The following GIMAP1 variants were observed in gnomAD, a reference collection of about 807,000 sequenced individuals.
The protein encoded by GIMAP1 is GTPase, IMAP family member 1, also known as GTPase IMAP family member 1.
For synonymous variants in GIMAP1, 230 were observed against 187.7 expected (o/e 1.23, Z -1.84); for missense variants, 423 against 411.9 (o/e 1.03, Z -0.23).
chr7:150,720,157 A>C lies in GIMAP1; in HGVS notation c.153A>C (p.Arg51Ser), dbSNP rs770389381. The C allele has an allele frequency of 6.2e-7, 1 of 1,614,040 alleles. No individual in the cohort carries two copies. Among genetic ancestry groups the C allele is most frequent in the Non-Finnish European group, 8.5e-7 (1 of 1,180,014 alleles). ...CTGGGAACAGCATCCTGGGCCAGAG[A>C]CGGTTCTTCTCCAGGCTGGGGGCCA... is the stretch of plus-strand genomic sequence containing the variant. ...SATGNSILGQ[R>S]RFFSRLGATS... The change falls in exon 3 of 3, where the codon AGA becomes AGC. Residue 51 changes from arginine (R) to serine (S), a missense_variant. Physicochemically the swap from Arg to Ser is moderately radical, Grantham distance 110. Coordinates refer to ENST00000307194, the MANE Select transcript of GIMAP1 (RefSeq NM_130759.4). This position sits in a 1 kb window ranked among gnomAD's most constrained non-coding sequence, Gnocchi z 4.5.
Position 150,724,156 on chromosome 7 carries a change from T to C in GIMAP1, c.*3231T>C, listed in dbSNP as rs1452470683. 1 of 152,086 alleles carries C rather than the reference T, an allele frequency of 6.6e-6. No individual in the cohort carries two copies. Among genetic ancestry groups the C allele is most frequent in the Non-Finnish European group, 1.5e-5 (1 of 68,012 alleles). The allele number at this position is 152,086 out of a possible 1,614,324, so 9.4% of individuals were successfully genotyped here. A position where few individuals can be genotyped will look rare whatever the true frequency, so the allele number is the denominator to read the frequency against. Reference sequence around the variant, plus strand: ...ATTCTTGGGGAAGCTATAGCTAGACTATGGCTCAACACTCATTTTTCCCCC... The same window carrying C: ...ATTCTTGGGGAAGCTATAGCTAGACCATGGCTCAACACTCATTTTTCCCCC... On this transcript the variant is annotated 3_prime_UTR_variant, in exon 3 of 3. Coordinates refer to ENST00000307194, the MANE Select transcript of GIMAP1 (RefSeq NM_130759.4).
rs768063340 is a variant in GIMAP1, at chr7:150,720,862, C to G, written c.858C>G (p.Leu286=). 3 of 1,605,472 alleles carry G rather than the reference C, an allele frequency of 1.9e-6. No homozygotes were observed. Among genetic ancestry groups the G allele is most frequent in the Non-Finnish European group, 2.5e-6 (3 of 1,178,862 alleles). ...TGGCCCTGCTGCTGGGGGGCGCGCT[C>G]CTGTTCTGGGTGCTGCTCCACAGGC... The part of the protein sequence containing the change: ...LGLALLLGGA[L]LFWVLLHRRW... Residue 286 remains leucine, a synonymous_variant, in exon 3 of 3, where the codon CTC becomes CTG. Coordinates refer to ENST00000307194, the MANE Select transcript of GIMAP1 (RefSeq NM_130759.4). This position sits in a 1 kb window ranked among gnomAD's most constrained non-coding sequence, Gnocchi z 4.5.
chr7:150,717,365 C>G (rs1797232132), intron 1 of GIMAP1, among the ~76,000 whole-genome samples: 1 of 152,180 alleles, frequency 6.6e-6, no homozygotes, highest in South Asian at 2.1e-4. Context: ...GAATCAGAAT[C>G]TCAGGATGGA....
rs1431266809 is a variant in GIMAP1, at chr7:150,720,176, G to C, written c.172G>C (p.Gly58Arg). The change falls in exon 3 of 3, where the codon GGG (glycine) becomes CGG (arginine). Residue 58 changes from glycine (G) to arginine (R), a missense_variant. Gly to Arg is a moderately radical substitution (Grantham distance 125). Transcript: ENST00000307194. This position sits in a 1 kb window ranked among gnomAD's most constrained non-coding sequence, Gnocchi z 4.5. Reference sequence around the variant, plus strand: ...CCAGAGACGGTTCTTCTCCAGGCTGGGGGCCACGTCTGTGACCAGGGCCTG... The same window carrying C: ...CCAGAGACGGTTCTTCTCCAGGCTGCGGGCCACGTCTGTGACCAGGGCCTG... Reference protein sequence around the residue: ...LGQRRFFSRLGATSVTRACTT... With the variant: ...LGQRRFFSRLRATSVTRACTT... 4 of 1,614,052 alleles carry C rather than the reference G, an allele frequency of 2.5e-6. No individual in the cohort carries two copies. In the African/African-American group the frequency reaches 4.0e-5, roughly 16 times the overall value.
chr7:150,719,880 C>T (rs1797270307), intron 2 of GIMAP1, among the ~76,000 whole-genome samples, 168 bp from the exon 3 acceptor site: 1 of 152,170 alleles, frequency 6.6e-6, no homozygotes, highest in South Asian at 2.1e-4. Context: ...GTAGTTGGAG[C>T]ATCTACTGGT....
Position 150,722,432 on chromosome 7 carries a change from AG to A in GIMAP1, c.*1510del, listed in dbSNP as rs575790854. ...TCCTGAGGGCCTTGGTGACCGCTGC[AG>A]GGAGTTGGACTTTTTGAAGCGTGGC... On this transcript the variant is annotated 3_prime_UTR_variant, in exon 3 of 3. Transcript: ENST00000307194. 6.6e-6 allele frequency: 1 copy of A among 152,478 alleles called. No individual in the cohort carries two copies. Among genetic ancestry groups the A allele is most frequent in the South Asian group, 2.1e-4 (1 of 4,838 alleles). 9.4% of individuals were successfully genotyped at this position (152,478 alleles called of 1,614,324 possible).
rs764547663 is a variant in GIMAP1, at chr7:150,720,674, G to T, written c.670G>T (p.Val224Leu). 3 of 1,602,446 alleles carry T rather than the reference G, an allele frequency of 1.9e-6. 1 individual carries two copies. The South Asian group carries it at 3.3e-5, about 18-fold the overall frequency. ...CAAGGGCGCCCATTACTCCAACGAG[G>T]TGTATGAGCTGGCGCAGGTGCTGCG... is the stretch of plus-strand genomic sequence containing the variant. ...EHKGAHYSNE[V>L]YELAQVLRWA... The change falls in exon 3 of 3, where the codon GTG becomes TTG. Residue 224 changes from valine to leucine, a missense_variant. Transcript: ENST00000307194. This position sits in a 1 kb window ranked among gnomAD's most constrained non-coding sequence, Gnocchi z 4.5.
chr7:150,717,291 G>C (rs1343433645), intron 1 of GIMAP1, among the ~76,000 whole-genome samples: 1 of 152,128 alleles, frequency 6.6e-6, no homozygotes, highest in African/African-American at 2.4e-5. Flanking sequence ...GTACAATAAA[G>C]GGGGTTGCAA....
chr7:150,723,376 T>A lies in GIMAP1; in HGVS notation c.*2451T>A, dbSNP rs1282616312. 1 of 152,254 alleles carries A rather than the reference T, an allele frequency of 6.6e-6. No homozygotes were observed. The highest frequency in any genetic ancestry group is 2.4e-5 in the African/African-American group (1 of 41,460). The allele number at this position is 152,254 out of a possible 1,614,324, so 9.4% of individuals were successfully genotyped here. On this transcript the variant is annotated 3_prime_UTR_variant, in exon 3 of 3. Coordinates refer to ENST00000307194, the MANE Select transcript of GIMAP1 (RefSeq NM_130759.4). ...AGACTTTTGACCATTTTCTAAATTT[T>A]CTACCATAGATAACAGAAAATTCTT...
Position 150,721,001 on chromosome 7 carries a change from C to T in GIMAP1, c.*76C>T. 7.6e-7 allele frequency: 1 copy of T among 1,314,260 alleles called. No homozygotes were observed. Among genetic ancestry groups the T allele is most frequent in the Non-Finnish European group, 1.0e-6 (1 of 992,474 alleles). 81.4% of individuals were successfully genotyped at this position (1,314,260 alleles called of 1,614,324 possible). Reference sequence around the variant, plus strand: ...TTGGAGCTGAAGGGAAAACTTCATTCCAACGGAAGGAATCCTGTAGTTTCA... The same window carrying T: ...TTGGAGCTGAAGGGAAAACTTCATTTCAACGGAAGGAATCCTGTAGTTTCA... On this transcript the variant is annotated 3_prime_UTR_variant, in exon 3 of 3. Coordinates refer to ENST00000307194, the MANE Select transcript of GIMAP1 (RefSeq NM_130759.4).
At chr7:150,719,001 T>C (rs1389511483) in intron 1 of GIMAP1, 41 bp from the exon 2 acceptor site, 1 of 1,612,828 alleles carries the variant, frequency 6.2e-7, no homozygotes, top group African/African-American at 1.3e-5. Context: ...ATTTGAGGAA[T>C]AAATAAATGA....
rs142477944 is a variant in GIMAP1, at chr7:150,720,493, C to T, written c.489C>T (p.His163=). The part of the protein sequence containing the change: ...RKEDLAGGSL[H]DYVSNTENRA... Reference sequence around the variant, plus strand: ...AGGACCTGGCCGGGGGCTCCCTGCACGATTACGTGAGCAACACAGAGAACC... The same window carrying T: ...AGGACCTGGCCGGGGGCTCCCTGCATGATTACGTGAGCAACACAGAGAACC... Residue 163 remains histidine, a synonymous_variant, in exon 3 of 3, where the codon CAC becomes CAT. Transcript: ENST00000307194. The surrounding 1 kb of genome is among the most constrained non-coding windows in gnomAD (Gnocchi z 4.5). The T allele has an allele frequency of 5.2e-4, 821 of 1,582,144 alleles. 5 individuals are homozygous for T. In the African/African-American group the frequency reaches 9.7e-3, roughly 19 times the overall value.
chr7:150,721,002 C>T lies in GIMAP1; in HGVS notation c.*77C>T. On this transcript the variant is annotated 3_prime_UTR_variant, in exon 3 of 3. Coordinates refer to ENST00000307194, the MANE Select transcript of GIMAP1 (RefSeq NM_130759.4). ...TGGAGCTGAAGGGAAAACTTCATTC[C>T]AACGGAAGGAATCCTGTAGTTTCAG... 7.6e-7 allele frequency: 1 copy of T among 1,307,856 alleles called. No homozygotes were observed. Among genetic ancestry groups the T allele is most frequent in the Non-Finnish European group, 1.0e-6 (1 of 987,062 alleles). The allele number at this position is 1,307,856 out of a possible 1,614,324, so 81.0% of individuals were successfully genotyped here.
At chr7:150,719,680 A>G (rs1339630516) in intron 2 of GIMAP1, among the ~76,000 whole-genome samples, 1 of 152,200 alleles carries the variant, frequency 6.6e-6, no homozygotes, top group Non-Finnish European at 1.5e-5. Context: ...GGGACTCCAC[A>G]CAGCTCTTCA....
Position 150,720,127 on chromosome 7 carries a change from C to T in GIMAP1, c.123C>T (p.Ser41=), listed in dbSNP as rs562054826. ...ILVGRTGAGK[S]ATGNSILGQR... is the part of the protein sequence containing the mutation. ...TTGGGAGAACAGGGGCCGGGAAGAG[C>T]GCCACTGGGAACAGCATCCTGGGCC... Residue 41 remains serine (S), a synonymous_variant, in exon 3 of 3, where the codon AGC becomes AGT. Transcript: ENST00000307194. The surrounding 1 kb of genome is among the most constrained non-coding windows in gnomAD (Gnocchi z 4.5). 3.0e-5 allele frequency: 49 copies of T among 1,613,806 alleles called. No homozygotes were observed. Among genetic ancestry groups the T allele is most frequent in the Non-Finnish European group, 3.7e-5 (44 of 1,180,028 alleles).
In GIMAP1 at chr7:150,719,939, A is replaced by G. The variant is rs545177487; in HGVS notation, c.44-109A>G. On this transcript the variant is annotated intron_variant, in intron 2 of 2. Transcript: ENST00000307194. ...AAGGAAAAGGTGGAAATGAACGCCC[A>G]GGCGTTCAAATCTCTATTCTTAACC... is the stretch of plus-strand genomic sequence containing the variant. 12 of 1,386,820 alleles carry G rather than the reference A, an allele frequency of 8.7e-6. No individual in the cohort carries two copies. The East Asian group carries it at 2.1e-4, about 24-fold the overall frequency. The allele number at this position is 1,386,820 out of a possible 1,614,324, so 85.9% of individuals were successfully genotyped here. A position where few individuals can be genotyped will look rare whatever the true frequency, so the allele number is the denominator to read the frequency against.
Position 150,717,172 on chromosome 7 carries a change from A to T in GIMAP1, c.-7+482A>T, listed in dbSNP as rs539249134. 2.9e-3 allele frequency among the ~76,000 whole-genome samples: 448 copies of T among 152,242 alleles called. 1 individual carries two copies. Among genetic ancestry groups the T allele is most frequent in the African/African-American group, 0.011 (442 of 41,534 alleles). ...AGGGGCCCCTGAGGAGACATCTGAG[A>T]TTAATATCTTGGTCTTCAACCCCTT... On this transcript the variant is annotated intron_variant, in intron 1 of 2. Transcript: ENST00000307194.
intron 1 of GIMAP1, among the ~76,000 whole-genome samples, chr7:150,717,316 C>A (rs1205381643): frequency 6.6e-6 from 1 of 152,130 alleles, no homozygotes; most frequent in African/African-American, 2.4e-5. Context: ...GACTGATGTC[C>A]AAGTTCTGAG....
rs765521233 is a variant in GIMAP1 at position 150,720,099 on chromosome 7, T to C, written c.95T>C (p.Leu32Pro). The change falls in exon 3 of 3, where the codon CTT becomes CCT. Residue 32 changes from leucine (L) to proline (P), a missense_variant. Physicochemically the swap from Leu to Pro is moderately conservative, Grantham distance 98 (BLOSUM62 -3). Coordinates refer to ENST00000307194, the MANE Select transcript of GIMAP1 (RefSeq NM_130759.4). This position sits in a 1 kb window ranked among gnomAD's most constrained non-coding sequence, Gnocchi z 4.5. The part of the protein sequence containing the change: ...SRQESTRRLI[L>P]VGRTGAGKSA... Reference sequence around the variant, plus strand: ...CAGGAGTCCACGCGGAGGCTCATCCTTGTTGGGAGAACAGGGGCCGGGAAG... The same window carrying C: ...CAGGAGTCCACGCGGAGGCTCATCCCTGTTGGGAGAACAGGGGCCGGGAAG... 1.1e-5 allele frequency: 17 copies of C among 1,613,600 alleles called. No homozygotes were observed. The highest frequency in any genetic ancestry group is 1.4e-5 in the Non-Finnish European group (17 of 1,180,000).
Sources: allele counts gnomAD v4.1 joint callset (sites outside exome capture counted in the v4.1 genomes callset), GRCh38; gene constraint gnomAD v4.1.1; non-coding constraint Gnocchi (gnomAD v3.1); transcripts MANE v1.5; gene names NCBI Gene and HGNC (gene_info 2026-07-23, HGNC 2026-07-21).